Variants in GRM7 observed in about 807,000 individuals in gnomAD.
The protein encoded by GRM7 is glutamate metabotropic receptor 7, also known as metabotropic glutamate receptor 7.
In GRM7, 35 loss-of-function variants were observed where a neutral mutation model predicts 84.5. The observed-to-expected ratio is 0.41, with a 90% CI of 0.32 to 0.55. The LOEUF (loss-of-function observed/expected upper bound fraction) is 0.55. Among genes scored for constraint, GRM7 ranks in the 20% least tolerant of loss-of-function variants. GRM7 has a pLI of 0.19. For synonymous variants in GRM7, 487 were observed against 455.1 expected (o/e 1.07, Z -0.89); for missense variants, 1,003 against 1,194.6 (o/e 0.84, Z 2.36).
chr3:6,897,355 C>T (rs904262133), intron 1 of GRM7, among the ~76,000 whole-genome samples: 11 of 152,146 alleles, frequency 7.2e-5, no homozygotes, highest in Non-Finnish European at 1.3e-4. Context: ...GGGATTGAGC[C>T]CCAGTGTCTG....
chr3:7,411,416 G>A (rs1433814867), intron 4 of GRM7, among the ~76,000 whole-genome samples: 1 of 152,084 alleles, frequency 6.6e-6, no homozygotes, highest in Non-Finnish European at 1.5e-5. Context: ...AAGGATAGAT[G>A]CCCCAACACT....
intron 1 of GRM7, among the ~76,000 whole-genome samples, chr3:7,096,319 G>A (rs539207344): frequency 1.3e-5 from 2 of 152,184 alleles, no homozygotes; most frequent in East Asian, 3.9e-4. Flanking sequence ...CATACTTTGA[G>A]GGTCCCCAGG....
At chr3:7,365,686 C>CAT (rs1468124611) in intron 4 of GRM7, among the ~76,000 whole-genome samples, 8 of 146,618 alleles carry the variant, frequency 5.5e-5, no homozygotes, top group African/African-American at 7.5e-5. Flanking sequence ...CACACACACA[C>CAT]ATATATATAC....
intron 1 of GRM7, among the ~76,000 whole-genome samples, chr3:6,903,681 A>G (rs1696473778): frequency 6.6e-6 from 1 of 152,138 alleles, no homozygotes; most frequent in Non-Finnish European, 1.5e-5. Flanking sequence ...GCTAAGGTAG[A>G]AGTTGTATAC....
At chr3:6,988,239 G>T (rs1420890927) in intron 1 of GRM7, among the ~76,000 whole-genome samples, 1 of 137,348 alleles carries the variant, frequency 7.3e-6, no homozygotes, top group African/African-American at 2.8e-5. Flanking sequence ...TCGATCTCCT[G>T]ACCTCATGAT....
chr3:7,247,633 A>T (rs1331232686), intron 2 of GRM7, among the ~76,000 whole-genome samples: 1 of 150,858 alleles, frequency 6.6e-6, no homozygotes, highest in Admixed American at 6.6e-5. Flanking sequence ...AGAAGAAAGA[A>T]AGAAAAATAA....
At chr3:7,178,930 A>C (rs1235357551) in intron 2 of GRM7, among the ~76,000 whole-genome samples, 1 of 81,016 alleles carries the variant, frequency 1.2e-5, no homozygotes, top group African/African-American at 7.2e-5. Flanking sequence ...AAAATACAAA[A>C]ATACAAAAAA....
intron 7 of GRM7, among the ~76,000 whole-genome samples, chr3:7,494,356 A>G (rs1425416558): frequency 6.6e-6 from 1 of 152,180 alleles, no homozygotes; most frequent in Non-Finnish European, 1.5e-5. Context: ...GATGTTCCCT[A>G]CAGGTTGCAT....
chr3:7,527,093 T>C (rs537715830), intron 7 of GRM7, among the ~76,000 whole-genome samples: 3 of 152,208 alleles, frequency 2.0e-5, no homozygotes, highest in East Asian at 3.9e-4. Context: ...AGGAATAGCA[T>C]TGAATACGTA....
chr3:7,740,337 C>G lies in GRM7; in HGVS notation c.2699-20C>G, dbSNP rs369828971. 2 of 1,536,934 alleles carry G rather than the reference C, an allele frequency of 1.3e-6. No individual in the cohort carries two copies. Among genetic ancestry groups the G allele is most frequent in the African/African-American group, 1.4e-5 (1 of 72,594 alleles). On this transcript the variant is annotated intron_variant, in intron 9 of 9. Transcript: ENST00000357716. ...AACAGGGTTATTACTGCAACTGACA[C>G]TTTCTAATTTTTCTTTCAGGCCCTG...
At chr3:7,137,530 C>T (rs543274200) in intron 1 of GRM7, among the ~76,000 whole-genome samples, 1 of 152,122 alleles carries the variant, frequency 6.6e-6, no homozygotes, top group East Asian at 1.9e-4. Flanking sequence ...AGTTTTCTGT[C>T]TTGTCATCAG....
At chr3:6,922,642 A>G (rs9311967) in intron 1 of GRM7, among the ~76,000 whole-genome samples, 17,897 of 152,244 alleles carry the variant, frequency 0.12, 1,206 homozygotes, top group African/African-American at 0.17. Context: ...TAACATACAT[A>G]TAGAACAGAA....
intron 8 of GRM7, chr3:7,636,243 C>T (rs1167536317): frequency 2.2e-6 from 1 of 456,522 alleles, no homozygotes; most frequent in East Asian, 6.9e-5. Context: ...TCTCTTACCC[C>T]ACTTCCCAGG....
At chr3:7,387,803 G>T (rs1694842978) in intron 4 of GRM7, among the ~76,000 whole-genome samples, 2 of 151,972 alleles carry the variant, frequency 1.3e-5, no homozygotes, top group South Asian at 4.1e-4. Context: ...TTTTAGGATA[G>T]TTTTTTTCCT....
chr3:7,399,413 T>C (rs1695353248), intron 4 of GRM7, among the ~76,000 whole-genome samples: 1 of 152,172 alleles, frequency 6.6e-6, no homozygotes, highest in Admixed American at 6.5e-5. Context: ...AGCAGAACCA[T>C]GAGCCCAGGC....
At chr3:7,516,916 A>G (rs1387054270) in intron 7 of GRM7, among the ~76,000 whole-genome samples, 2 of 152,162 alleles carry the variant, frequency 1.3e-5, no homozygotes, top group Non-Finnish European at 2.9e-5. Context: ...TGGTATTTTT[A>G]TAAATGTACC....
At chr3:7,613,035 CTT>C (rs528198615) in intron 8 of GRM7, among the ~76,000 whole-genome samples, 7 of 146,216 alleles carry the variant, frequency 4.8e-5, no homozygotes, top group African/African-American at 1.7e-4. Context: ...GTTTCCAAGT[CTT>C]TTTTTTTTTA....
intron 2 of GRM7, among the ~76,000 whole-genome samples, chr3:7,178,056 CTCTT>C (rs1334671789): frequency 6.6e-6 from 1 of 152,148 alleles, no homozygotes; most frequent in Non-Finnish European, 1.5e-5. Context: ...CAGCAGATGA[CTCTT>C]TAATGAATTT....
chr3:7,104,744 C>T (rs1354196881), intron 1 of GRM7, among the ~76,000 whole-genome samples: 1 of 151,616 alleles, frequency 6.6e-6, no homozygotes, highest in Non-Finnish European at 1.5e-5. Context: ...TCTGACAATC[C>T]TAGGAGATAA....
Sources: gnomAD v4.1 joint callset for allele counts (sites outside exome capture counted in the v4.1 genomes callset) on GRCh38, gnomAD v4.1.1 for gene constraint, MANE v1.5 for transcripts, NCBI Gene and HGNC (gene_info 2026-07-23, HGNC 2026-07-21) for gene names.